The following CALD1 variants were observed in gnomAD, a reference collection of about 807,000 sequenced individuals.
CALD1 encodes the protein caldesmon 1.
A neutral mutation model predicts 99.9 loss-of-function variants in CALD1; 33 were observed. That is an observed-to-expected ratio of 0.33 (90% CI 0.25 to 0.44). The LOEUF is 0.44. Ranked by LOEUF, CALD1 falls within the 20% of genes least tolerant of loss-of-function variation. The probability of loss-of-function intolerance (pLI) is 1.00; values close to 1 mark genes in which losing one functional copy is unlikely to be tolerated. For missense variants in CALD1, 861 were observed against 962.1 expected, an observed-to-expected ratio of 0.89 and a Z score of 1.39; for synonymous variants, 310 against 325.0, an observed-to-expected ratio of 0.95 and a Z score of 0.50.
chr7:134,761,861 T>C (rs1308827043), intron 1 of CALD1, among the ~76,000 whole-genome samples: 1 of 152,006 alleles, frequency 6.6e-6, no homozygotes, highest in Non-Finnish European at 1.5e-5. Flanking sequence ...ATTTGTATTA[T>C]TATTATTATT....
intron 1 of CALD1, among the ~76,000 whole-genome samples, chr7:134,837,979 T>A (rs1298997778): frequency 6.6e-6 from 1 of 152,208 alleles, no homozygotes; most frequent in Non-Finnish European, 1.5e-5. Context: ...TCAATCCAAC[T>A]GAATGATTTA....
chr7:134,942,862 C>T (rs1225649329), intron 7 of CALD1, among the ~76,000 whole-genome samples: 1 of 152,120 alleles, frequency 6.6e-6, no homozygotes. Flanking sequence ...AGCTTCAAAG[C>T]TCAAATTAAT....
intron 3 of CALD1, among the ~76,000 whole-genome samples, chr7:134,888,423 CCTGTAGGTCT>C (rs1238986371): frequency 6.6e-6 from 1 of 152,216 alleles, no homozygotes; most frequent in Non-Finnish European, 1.5e-5. Context: ...AGCACACAGG[CCTGTAGGTCT>C]CTGCAGGACC....
the CALD1 span, among the ~76,000 whole-genome samples, chr7:134,727,703 C>T: frequency 4.6e-5 from 7 of 152,156 alleles, no homozygotes; most frequent in Non-Finnish European, 7.3e-5. Flanking sequence ...CTGTGAATCT[C>T]ATTGGGTTTT....
chr7:134,768,375 T>C (rs1796845517), intron 1 of CALD1, among the ~76,000 whole-genome samples: 1 of 152,216 alleles, frequency 6.6e-6, no homozygotes, highest in Non-Finnish European at 1.5e-5. Flanking sequence ...ATAAAACAGG[T>C]GGCACCAAGT....
chr7:134,920,573 CTG>C, intron 3 of CALD1: 1 of 1,286,528 alleles, frequency 7.8e-7, no homozygotes, highest in Middle Eastern at 2.1e-4. Flanking sequence ...GAATAGTGTT[CTG>C]GATTGAGTAT....
At chr7:134,924,592 A>C (rs1033394634) in intron 3 of CALD1, among the ~76,000 whole-genome samples, 4 of 152,168 alleles carry the variant, frequency 2.6e-5, no homozygotes, top group Non-Finnish European at 4.4e-5. Flanking sequence ...TGAACCAGCA[A>C]CTGGACATGT....
At chr7:134,717,604 A>T in the CALD1 span, among the ~76,000 whole-genome samples, 1 of 152,256 alleles carries the variant, frequency 6.6e-6, no homozygotes, top group African/African-American at 2.4e-5. Flanking sequence ...TTGGCTGCTC[A>T]GACTGGAGCA....
intron 13 of CALD1, chr7:134,963,017 A>G (rs1280156808): frequency 2.3e-6 from 1 of 437,022 alleles, no homozygotes; most frequent in South Asian, 1.6e-5. Flanking sequence ...GGACTCTTTA[A>G]ACTCTTTAAG....
At chr7:134,852,230 G>C (rs903615889) in intron 2 of CALD1, among the ~76,000 whole-genome samples, 1 of 152,112 alleles carries the variant, frequency 6.6e-6, no homozygotes, top group East Asian at 1.9e-4. Flanking sequence ...AAAAATATAG[G>C]GGATTTGCAG....
chr7:134,805,694 GAAAATGGGCCAGTTATC>G (rs72529471), intron 1 of CALD1, among the ~76,000 whole-genome samples: 9,627 of 152,250 alleles, frequency 0.063, 352 homozygotes, highest in African/African-American at 0.1. Context: ...CTGGCTGGCA[GAAAATGGGCCAGTTATC>G]TTTCTTCCCA....
intron 1 of CALD1, among the ~76,000 whole-genome samples, chr7:134,839,673 C>T (rs7807100): frequency 0.14 from 21,121 of 152,008 alleles, 1,600 homozygotes; most frequent in African/African-American, 0.2. Flanking sequence ...CTTTTTCATA[C>T]ACTTGTTGAT....
At chr7:134,735,598 T>TGTGTGC in the CALD1 span, among the ~76,000 whole-genome samples, 1 of 151,770 alleles carries the variant, frequency 6.6e-6, no homozygotes, top group East Asian at 1.9e-4. Flanking sequence ...TGTGTGTGTG[T>TGTGTGC]GTGTGTGTGT....
intron 6 of CALD1, 80 bp from the exon 7 acceptor site, chr7:134,941,012 G>T: frequency 8.8e-6 from 10 of 1,130,234 alleles, no homozygotes; most frequent in Middle Eastern, 2.9e-4. Flanking sequence ...TAACAATTTT[G>T]GGTCTTACTT....
intron 1 of CALD1, among the ~76,000 whole-genome samples, chr7:134,756,368 A>G (rs1441071794): frequency 1.4e-5 from 2 of 148,090 alleles, no homozygotes; most frequent in African/African-American, 2.5e-5. Context: ...TTTTTTTCCT[A>G]TATTTGTAGG....
At chr7:134,796,976 C>G (rs910786341) in intron 1 of CALD1, among the ~76,000 whole-genome samples, 34 of 152,094 alleles carry the variant, frequency 2.2e-4, no homozygotes, top group Non-Finnish European at 4.0e-4. Context: ...TTGAGACAGA[C>G]TGCCATTCAA....
chr7:134,861,685 G>A (rs764185699), intron 2 of CALD1, among the ~76,000 whole-genome samples: 16 of 152,176 alleles, frequency 1.1e-4, no homozygotes, highest in Non-Finnish European at 2.4e-4. Flanking sequence ...GTAGCTGTGC[G>A]GTAAATATTT....
chr7:134,743,123 G>A (rs777534383), upstream of CALD1, among the ~76,000 whole-genome samples: 2 of 152,350 alleles, frequency 1.3e-5, no homozygotes, highest in Middle Eastern at 6.8e-3. Flanking sequence ...AAGAGAGCTA[G>A]TGGGAGGGGA....
At chr7:134,932,806 G>A (rs921839757) in intron 4 of CALD1, among the ~76,000 whole-genome samples, 182 bp from the exon 5 acceptor site, 1 of 152,292 alleles carries the variant, frequency 6.6e-6, no homozygotes, top group Non-Finnish European at 1.5e-5. Flanking sequence ...CCCAGAGAAA[G>A]GCTTGCAAAT....
Sources: gnomAD v4.1 joint callset for allele counts (sites outside exome capture counted in the v4.1 genomes callset) on GRCh38, gnomAD v4.1.1 for gene constraint, MANE v1.5 for transcripts, NCBI Gene and HGNC (gene_info 2026-07-23, HGNC 2026-07-21) for gene names.